The following GPS2 variants were observed in gnomAD, a reference collection of about 807,000 sequenced individuals.
GPS2 encodes the protein G protein pathway suppressor 2, also known as GPS-2.
A neutral mutation model predicts 48.1 loss-of-function variants in GPS2; 22 were observed. The ratio of observed to expected loss-of-function variants is 0.46; its 90% CI spans 0.33 to 0.65. The LOEUF (loss-of-function observed/expected upper bound fraction) is 0.65, where lower values mean the gene tolerates loss of function less well. Among genes scored for constraint, GPS2 ranks in the 30% least tolerant of loss-of-function variants. The probability of loss-of-function intolerance (pLI) is 0.03; values close to 1 mark genes in which losing one functional copy is unlikely to be tolerated. For missense variants in GPS2, 366 were observed against 406.8 expected (o/e 0.90, Z 0.86); for synonymous variants, 202 against 142.5 (o/e 1.42, Z -2.98).
chr17:7,313,807 C>T (rs2072898353), intron 6 of GPS2, 86 bp from the exon 7 acceptor site: 3 of 1,576,614 alleles, frequency 1.9e-6, no homozygotes, highest in Non-Finnish European at 2.6e-6. Flanking sequence ...CCCCGTTTCC[C>T]CCTAAACTTA....
Position 7,313,419 on chromosome 17 carries a change from G to A in GPS2, c.685C>T (p.Pro229Ser), listed in dbSNP as rs2143010346. ...TGAAAGTGGCCATGCACAGCATAGGGCTGTGGCTGTGGCTGAGATAGGTAC... is the reference window on the plus strand; with the variant it reads ...TGAAAGTGGCCATGCACAGCATAGGACTGTGGCTGTGGCTGAGATAGGTAC... ...VQYLSQPQPQPYAVHGHFQPT... is the reference protein window; with the variant it reads ...VQYLSQPQPQSYAVHGHFQPT... The change falls in exon 8 of 11, where the codon CCC becomes TCC. Residue 229 changes from proline (P) to serine (S), a missense_variant. Around this residue, in one of 3 missense-constraint regions of GPS2, gnomAD observed 275 missense variants for 282.3 expected, o/e 0.97. Coordinates refer to ENST00000380728, the MANE Select transcript of GPS2 (RefSeq NM_004489.5). 6.2e-7 allele frequency: 1 copy of A among 1,614,080 alleles called. No individual in the cohort carries two copies.
At position 7,313,201 on chromosome 17, in the gene GPS2, G is replaced by A; in HGVS notation, c.804+11C>T. 6.2e-7 allele frequency: 1 copy of A among 1,613,122 alleles called. No individual in the cohort carries two copies. The highest frequency in any genetic ancestry group is 8.5e-7 in the Non-Finnish European group (1 of 1,179,062). ...ATCCCTAACCCTGACCTCCCAAGGT[G>A]CCATACTCACTGAGTCGGAGAAGCC... On this transcript the variant is annotated intron_variant, in intron 9 of 10. Coordinates refer to ENST00000380728, the MANE Select transcript of GPS2 (RefSeq NM_004489.5).
chr17:7,314,425 AGAT>A, intron 3 of GPS2, 22 bp from the exon 4 acceptor site: 7 of 1,614,174 alleles, frequency 4.3e-6, no homozygotes, highest in Non-Finnish European at 5.9e-6. Context: ...TGGGAAAAGA[AGAT>A]GAAGGCAGGG....
At position 7,314,488 on chromosome 17, in the gene GPS2, T is replaced by C. The variant is rs1480717864; in HGVS notation, c.204A>G (p.Gln68=). The part of the protein sequence containing the change: ...ERMSLEETKE[Q]ILKLEEKLLA... ...TGGGAAAGTTCAAGGGACTGCTTAC[T>C]TGTTCCTTGGTCTCCTCTAATGACA... Residue 68 remains glutamine, a splice_region_variant and synonymous_variant, in exon 3 of 11, where the codon CAA becomes CAG. Coordinates refer to ENST00000380728, the MANE Select transcript of GPS2 (RefSeq NM_004489.5). 1.2e-6 allele frequency: 2 copies of C among 1,614,214 alleles called. No individual in the cohort carries two copies.
rs1273817522 is a variant in GPS2, at chr17:7,314,132, T to G, written c.345A>C (p.Ala115=). The G allele has an allele frequency of 6.2e-7, 1 of 1,614,060 alleles. No individual in the cohort carries two copies. Among genetic ancestry groups the G allele is most frequent in the Non-Finnish European group, 8.5e-7 (1 of 1,179,952 alleles). The change falls in exon 5 of 11, where the codon GCA becomes GCC. Residue 115 remains alanine, a synonymous_variant. Transcript: ENST00000380728. ...QSDLTTLTSA[A]YQQSLTVHTG... ...TGTGAACAGTCAGGCTCTGCTGGTA[T>G]GCAGCTGATGTTAGGGTGGTCAGGT... is the stretch of plus-strand genomic sequence containing the variant.
chr17:7,315,274 C>T (rs1378251123), intron 1 of GPS2, 57 bp downstream of exon 1: 2 of 333,844 alleles, frequency 6.0e-6, no homozygotes, highest in Non-Finnish European at 1.1e-5. Context: ...GCGCCGGGGT[C>T]CCCGGCTCGC....
Position 7,314,481 on chromosome 17 carries a change from T to G in GPS2, c.204+7A>C. On this transcript the variant is annotated splice_region_variant and intron_variant, in intron 3 of 10. Coordinates refer to ENST00000380728, the MANE Select transcript of GPS2 (RefSeq NM_004489.5). ...TCAAAGCTGGGAAAGTTCAAGGGAC[T>G]GCTTACTTGTTCCTTGGTCTCCTCT... is the stretch of plus-strand genomic sequence containing the variant. 6.2e-7 allele frequency: 1 copy of G among 1,614,212 alleles called. No homozygotes were observed. Among genetic ancestry groups the G allele is most frequent in the Non-Finnish European group, 8.5e-7 (1 of 1,180,022 alleles).
intron 4 of GPS2, 26 bp downstream of exon 4, chr17:7,314,265 T>G (rs1402943114): frequency 1.2e-6 from 2 of 1,607,618 alleles, no homozygotes; most frequent in Non-Finnish European, 8.5e-7. Context: ...TGGCCCCCAT[T>G]TCAGTTTTTA....
At chr17:7,314,184 A>C (rs1270846274) in intron 4 of GPS2, 25 bp from the exon 5 acceptor site, 1 of 1,605,968 alleles carries the variant, frequency 6.2e-7, no homozygotes, top group South Asian at 1.1e-5. Context: ...AGACAGGTCA[A>C]AGTCAAGGAC....
chr17:7,315,032 G>A lies in GPS2; in HGVS notation c.21C>T (p.Arg7=), dbSNP rs142288970. The part of the protein sequence containing the change: MPALLE[R]PKLSNAMARA... ...TGGCCATGGCGTTGGAAAGCTTGGG[G>A]CGCTCCAGGAGTGCGGGCATGGTGC... The change falls in exon 2 of 11, where the codon CGC becomes CGT. Residue 7 remains arginine (R), a synonymous_variant. Transcript: ENST00000380728. 3.1e-3 allele frequency: 4,910 copies of A among 1,602,760 alleles called. 24 individuals carry two copies. The highest frequency in any genetic ancestry group is 0.011 in the Middle Eastern group (57 of 5,132).
intron 1 of GPS2, 66 bp from the exon 2 acceptor site, chr17:7,315,185 C>G (rs1474129127): frequency 9.1e-5 from 43 of 471,868 alleles, no homozygotes; most frequent in Non-Finnish European, 4.9e-5. Context: ...CCGCCCGGCC[C>G]GCTCGCCGCC....
chr17:7,314,414 G>A lies in GPS2; in HGVS notation c.205-11C>T, dbSNP rs776644362. The A allele has an allele frequency of 1.2e-6, 2 of 1,614,130 alleles. No individual in the cohort carries two copies. Among genetic ancestry groups the A allele is most frequent in the Non-Finnish European group, 1.7e-6 (2 of 1,179,996 alleles). The stretch of plus-strand genomic sequence containing the variant: ...CTCCAACTTCAGAATCTGGGATGGG[G>A]TGGGAAAAGAAGATGAAGGCAGGGA... On this transcript the variant is annotated splice_polypyrimidine_tract_variant and intron_variant, in intron 3 of 10. Coordinates refer to ENST00000380728, the MANE Select transcript of GPS2 (RefSeq NM_004489.5).
intron 2 of GPS2, 69 bp downstream of exon 2, chr17:7,314,890 G>A (rs1464347757): frequency 3.3e-6 from 5 of 1,517,112 alleles, no homozygotes; most frequent in African/African-American, 1.4e-5. Context: ...TGGCCGGTGG[G>A]TTGAGGCCAG....
intron 2 of GPS2, 112 bp downstream of exon 2, chr17:7,314,847 C>A: frequency 1.5e-6 from 2 of 1,355,894 alleles, no homozygotes; most frequent in Non-Finnish European, 2.1e-6. Flanking sequence ...GCTATTCCTT[C>A]CCTCCTCTGC....
Position 7,314,364 on chromosome 17 carries a change from C to T in GPS2, c.244G>A (p.Glu82Lys). 3 of 1,614,178 alleles carry T rather than the reference C, an allele frequency of 1.9e-6. No homozygotes were observed. The highest frequency in any genetic ancestry group is 8.5e-7 in the Non-Finnish European group (1 of 1,180,032). ...LEEKLLALQE[E>K]KHQLFLQLKK... ...AGCTGCAGGAAAAGCTGGTGCTTCT[C>T]TTCCTGTAGAGCCAAAAGCTTCTCC... The change falls in exon 4 of 11, where the codon GAG becomes AAG. Residue 82 changes from glutamate (E) to lysine (K), a missense_variant. By Grantham distance (56) the Glu-to-Lys change is moderately conservative. Coordinates refer to ENST00000380728, the MANE Select transcript of GPS2 (RefSeq NM_004489.5).
chr17:7,313,245 T>G lies in GPS2; in HGVS notation c.771A>C (p.Glu257Asp). 1 of 1,614,180 alleles carries G rather than the reference T, an allele frequency of 6.2e-7. No individual in the cohort carries two copies. Among genetic ancestry groups the G allele is most frequent in the Non-Finnish European group, 8.5e-7 (1 of 1,180,024 alleles). The change falls in exon 9 of 11, where the codon GAA becomes GAC. Residue 257 changes from glutamate (E) to aspartate (D), a missense_variant. Glu to Asp is a conservative substitution (Grantham distance 45). This residue lies in a region of GPS2 where 275 missense variants were observed against 282.3 expected (regional missense o/e 0.97). Transcript: ENST00000380728. ...AGAAGCCAGTCTGCTGGTTAGCATG[T>G]TCCATCTGCTTTTGCAAGGACAGGG... ...GGALSLQKQM[E>D]HANQQTGFSD...
intron 2 of GPS2, 128 bp from the exon 3 acceptor site, chr17:7,314,725 C>T: frequency 6.5e-7 from 1 of 1,539,050 alleles, no homozygotes; most frequent in Non-Finnish European, 8.8e-7. Flanking sequence ...GGGACAAGCT[C>T]CCCATCGCGG....
At chr17:7,313,517 T>A (rs1384311898) in intron 7 of GPS2, 48 bp from the exon 8 acceptor site, 1 of 1,613,718 alleles carries the variant, frequency 6.2e-7, no homozygotes, top group East Asian at 2.2e-5. Flanking sequence ...CTGAATGGCA[T>A]TCCTCCTTTG....
At chr17:7,313,846 C>G in intron 6 of GPS2, 60 bp downstream of exon 6, 2 of 1,570,594 alleles carry the variant, frequency 1.3e-6, no homozygotes, top group Non-Finnish European at 1.8e-6. Flanking sequence ...GACTTGAATA[C>G]TGGTGGCAAG....
Sources: allele counts gnomAD v4.1 joint callset, GRCh38; gene constraint gnomAD v4.1.1; regional missense constraint gnomAD v4.1.1; transcripts MANE v1.5; gene names NCBI Gene and HGNC (gene_info 2026-07-23, HGNC 2026-07-21).